NRXN1: variants seen among roughly 807,000 people sequenced by gnomAD.
NRXN1 encodes the protein neurexin-1.
NRXN1 carries 39 observed loss-of-function variants against 150.9 expected under a neutral mutation model. The observed-to-expected ratio is 0.26, with a 90% CI of 0.20 to 0.34. The LOEUF is 0.34. Ranked by LOEUF, NRXN1 falls within the 10% of genes least tolerant of loss-of-function variation. The probability of loss-of-function intolerance (pLI) is 1.00; values close to 1 mark genes in which losing one functional copy is unlikely to be tolerated. For synonymous variants in NRXN1, 924 were observed against 757.0 expected, an observed-to-expected ratio of 1.22 and a Z score of -3.62; for missense variants, 1,815 against 1,949.9, an observed-to-expected ratio of 0.93 and a Z score of 1.30.
At chr2:50,922,548 G>T in intron 4 of NRXN1, 110 bp downstream of exon 4, 1 of 937,634 alleles carries the variant, frequency 1.1e-6, no homozygotes, top group Non-Finnish European at 1.7e-6. Flanking sequence ...TATTTAATTT[G>T]CAGCCATATA....
At chr2:50,502,205 A>C (rs144431887) in intron 13 of NRXN1, among the ~76,000 whole-genome samples, 1 of 145,800 alleles carries the variant, frequency 6.9e-6, no homozygotes, top group Non-Finnish European at 1.5e-5. Flanking sequence ...GAAGGAAGAA[A>C]GGAAGAAAGA....
chr2:50,079,245 C>T (rs938053921), intron 19 of NRXN1, among the ~76,000 whole-genome samples: 20 of 151,960 alleles, frequency 1.3e-4, no homozygotes, highest in African/African-American at 4.6e-4. Flanking sequence ...TTAGCTCTTA[C>T]GCTCCTTTGT....
At chr2:50,495,380 GGTGTGTGTGTGTGT>G (rs1157611088) in intron 15 of NRXN1, among the ~76,000 whole-genome samples, 1 of 17,742 alleles carries the variant, frequency 5.6e-5, no homozygotes, top group South Asian at 2.2e-3. Flanking sequence ...GTGTGTGTGT[GGTGTGTGTGTGTGT>G]GTGTGTGTGT....
chr2:50,734,795 C>T (rs1043855616), intron 5 of NRXN1, among the ~76,000 whole-genome samples: 2 of 151,306 alleles, frequency 1.3e-5, no homozygotes, highest in African/African-American at 4.8e-5. Context: ...ATGGCAGACA[C>T]ATTTTAAAGT....
chr2:50,089,276 T>A (rs1699226955), intron 19 of NRXN1, among the ~76,000 whole-genome samples: 1 of 152,174 alleles, frequency 6.6e-6, no homozygotes, highest in Admixed American at 6.5e-5. Flanking sequence ...CACACTGCAA[T>A]AGTAACAGGA....
At chr2:50,613,272 A>G (rs1465479406) in intron 8 of NRXN1, among the ~76,000 whole-genome samples, 1 of 152,186 alleles carries the variant, frequency 6.6e-6, no homozygotes, top group Non-Finnish European at 1.5e-5. Context: ...CTAGGAATAC[A>G]GCACAGAGAA....
intron 17 of NRXN1, among the ~76,000 whole-genome samples, chr2:50,274,596 GAGAT>G (rs1052615178): frequency 3.3e-5 from 5 of 152,026 alleles, no homozygotes; most frequent in African/African-American, 1.2e-4. Context: ...GACTGAAAAA[GAGAT>G]AGAAGGAAGA....
At chr2:50,618,637 T>A (rs1250123861) in intron 8 of NRXN1, among the ~76,000 whole-genome samples, 1 of 151,964 alleles carries the variant, frequency 6.6e-6, no homozygotes, top group Non-Finnish European at 1.5e-5. Context: ...TCAAGAAACT[T>A]ACCTGCCTCA....
rs899361009 is a variant in NRXN1, at chr2:50,513,809, G to GA, written c.2375-7193dup. 1.1e-3 allele frequency among the ~76,000 whole-genome samples: 165 copies of GA among 151,274 alleles called. No individual in the cohort carries two copies. In the Middle Eastern group the frequency reaches 0.014, roughly 12 times the overall value. ...GGTGGATGTAGCTGTACAGAAACTT[G>GA]AAAAAAAACAAAAACAAAAACCCAT... is the stretch of plus-strand genomic sequence containing the variant. On this transcript the variant is annotated intron_variant, in intron 12 of 22. Transcript: ENST00000401669.
chr2:50,886,829 T>C (rs916975971), intron 5 of NRXN1, among the ~76,000 whole-genome samples: 2 of 151,384 alleles, frequency 1.3e-5, no homozygotes, highest in Admixed American at 6.6e-5. Context: ...ATATTATACT[T>C]TGGAGAGCCC....
intron 21 of NRXN1, among the ~76,000 whole-genome samples, chr2:50,003,409 A>C (rs1019371545): frequency 6.6e-6 from 1 of 152,116 alleles, no homozygotes; most frequent in African/African-American, 2.4e-5. Context: ...TTATTTCTTA[A>C]ATTTGTGATG....
chr2:50,906,155 C>A (rs916166801), intron 5 of NRXN1, among the ~76,000 whole-genome samples: 8 of 152,048 alleles, frequency 5.3e-5, no homozygotes, highest in Non-Finnish European at 7.4e-5. Context: ...CACTTTTTTC[C>A]ATTAAAAATA....
intron 17 of NRXN1, among the ~76,000 whole-genome samples, chr2:50,294,236 A>G (rs184005394): frequency 4.6e-5 from 7 of 152,332 alleles, no homozygotes; most frequent in Non-Finnish European, 7.4e-5. Context: ...GAATGATAAG[A>G]CAGCCTAAAT....
chr2:50,475,158 G>T (rs1355043071), intron 15 of NRXN1, among the ~76,000 whole-genome samples: 1 of 151,976 alleles, frequency 6.6e-6, no homozygotes, highest in East Asian at 1.9e-4. Flanking sequence ...TAGTAGAGTG[G>T]GGAATTGAAT....
At chr2:50,602,847 G>A (rs1235139926) in intron 8 of NRXN1, among the ~76,000 whole-genome samples, 1 of 152,148 alleles carries the variant, frequency 6.6e-6, no homozygotes, top group African/African-American at 2.4e-5. Context: ...TGTGATCATA[G>A]GACCAACTAC....
intron 17 of NRXN1, among the ~76,000 whole-genome samples, chr2:50,448,350 C>G (rs2086645057): frequency 6.6e-6 from 1 of 152,058 alleles, no homozygotes; most frequent in South Asian, 2.1e-4. Context: ...ACGGCAAAAC[C>G]AAACCTGACT....
chr2:50,451,189 G>C (rs2086928079), intron 17 of NRXN1, among the ~76,000 whole-genome samples: 1 of 152,212 alleles, frequency 6.6e-6, no homozygotes, highest in East Asian at 1.9e-4. Flanking sequence ...GGCTGGTCTG[G>C]AACTCCCAGG....
intron 17 of NRXN1, among the ~76,000 whole-genome samples, chr2:50,385,244 T>C (rs1008895223): frequency 6.6e-6 from 1 of 152,204 alleles, no homozygotes; most frequent in Non-Finnish European, 1.5e-5. Context: ...TGTGCATCAA[T>C]GCATGAGTGA....
chr2:50,283,381 TGAG>T (rs747254044), intron 17 of NRXN1, among the ~76,000 whole-genome samples: 3 of 152,196 alleles, frequency 2.0e-5, no homozygotes, highest in African/African-American at 2.4e-5. Context: ...TAAGAAATAA[TGAG>T]GAGTTCTTTA....
Sources: gnomAD v4.1 joint callset for allele counts (sites outside exome capture counted in the v4.1 genomes callset) on GRCh38, gnomAD v4.1.1 for gene constraint, MANE v1.5 for transcripts, NCBI Gene and HGNC (gene_info 2026-07-23, HGNC 2026-07-21) for gene names.